AGBL4: variants seen among roughly 807,000 people sequenced by gnomAD.
AGBL4 encodes cytosolic carboxypeptidase 6.
In AGBL4, 58 loss-of-function variants were observed where a neutral mutation model predicts 66.4. That is an observed-to-expected ratio of 0.87 (90% CI 0.71 to 1.09). The LOEUF is 1.09. Among genes scored for constraint, AGBL4 ranks in the 50% least tolerant of loss-of-function variants. The pLI is 0.00. For synonymous variants in AGBL4, 234 were observed against 222.9 expected, an observed-to-expected ratio of 1.05 and a Z score of -0.44; for missense variants, 579 against 631.0, an observed-to-expected ratio of 0.92 and a Z score of 0.88.
chr1:48,700,178 A>G (rs1377431649), intron 6 of AGBL4, among the ~76,000 whole-genome samples: 2 of 152,282 alleles, frequency 1.3e-5, no homozygotes, highest in East Asian at 3.9e-4. Context: ...GAGTCTATCA[A>G]ATGCCTGCAC....
At chr1:49,041,852 C>T (rs1435767806) in intron 5 of AGBL4, among the ~76,000 whole-genome samples, 1 of 152,088 alleles carries the variant, frequency 6.6e-6, no homozygotes, top group African/African-American at 2.4e-5. Context: ...TCCAATCACA[C>T]CAGACTTCTA....
intron 6 of AGBL4, among the ~76,000 whole-genome samples, chr1:48,754,886 G>A (rs1297490092): frequency 3.3e-5 from 5 of 152,108 alleles, no homozygotes; most frequent in Non-Finnish European, 5.9e-5. Context: ...AGAGAGGCAC[G>A]CAGGACCAGG....
intron 3 of AGBL4, among the ~76,000 whole-genome samples, chr1:49,337,370 C>T (rs1407651432): frequency 6.6e-6 from 1 of 152,126 alleles, no homozygotes; most frequent in East Asian, 1.9e-4. Flanking sequence ...AAATTTTGGG[C>T]TTTTTAGAAT....
At chr1:49,915,927 A>C (rs1404952921) in intron 1 of AGBL4, among the ~76,000 whole-genome samples, 1 of 152,164 alleles carries the variant, frequency 6.6e-6, no homozygotes, top group Non-Finnish European at 1.5e-5. Flanking sequence ...ACTGTTCAGC[A>C]ATATTCACTG....
At chr1:48,731,073 G>A (rs1432062379) in intron 6 of AGBL4, among the ~76,000 whole-genome samples, 1 of 152,088 alleles carries the variant, frequency 6.6e-6, no homozygotes, top group East Asian at 1.9e-4. Context: ...GAGCATAAAG[G>A]CTTTTCTATT....
chr1:49,118,942 A>G (rs907000226), intron 4 of AGBL4, among the ~76,000 whole-genome samples: 1 of 152,212 alleles, frequency 6.6e-6, no homozygotes, highest in African/African-American at 2.4e-5. Flanking sequence ...GTATGTGTCT[A>G]GGAATTTATC....
chr1:48,981,085 G>A (rs1407221646), intron 5 of AGBL4, among the ~76,000 whole-genome samples: 1 of 152,048 alleles, frequency 6.6e-6, no homozygotes, highest in Non-Finnish European at 1.5e-5. Context: ...GATAAAACAT[G>A]GATAAGCTCA....
At chr1:48,738,373 C>A (rs1649397289) in intron 6 of AGBL4, among the ~76,000 whole-genome samples, 1 of 152,214 alleles carries the variant, frequency 6.6e-6, no homozygotes, top group African/African-American at 2.4e-5. Context: ...TTCATCCGCT[C>A]AGGAAAGATA....
intron 6 of AGBL4, among the ~76,000 whole-genome samples, chr1:48,676,126 G>A (rs1646361085): frequency 6.6e-6 from 1 of 152,258 alleles, no homozygotes; most frequent in African/African-American, 2.4e-5. Flanking sequence ...GCCTAGGTAA[G>A]TGGCTCCGCC....
intron 12 of AGBL4, among the ~76,000 whole-genome samples, chr1:48,538,533 C>G (rs1644009768): frequency 6.6e-6 from 1 of 152,190 alleles, no homozygotes; most frequent in East Asian, 1.9e-4. Context: ...CTTAGCTAGA[C>G]TTCAATTCAG....
chr1:49,335,773 C>A (rs1315509857), intron 3 of AGBL4, among the ~76,000 whole-genome samples: 3 of 152,256 alleles, frequency 2.0e-5, no homozygotes, highest in East Asian at 3.9e-4. Context: ...CCTTGGCCCC[C>A]CAAAATGCTG....
intron 6 of AGBL4, among the ~76,000 whole-genome samples, chr1:48,684,406 C>T (rs143864755): frequency 2.7e-4 from 41 of 152,362 alleles, no homozygotes; most frequent in Admixed American, 2.1e-3. Context: ...AGAGCACTAA[C>T]GTAGTCATAG....
intron 3 of AGBL4, among the ~76,000 whole-genome samples, chr1:49,444,701 A>T (rs577660007): frequency 1.3e-5 from 2 of 152,174 alleles, no homozygotes; most frequent in Non-Finnish European, 1.5e-5. Context: ...AGCAGCATAT[A>T]GTTGGATCAG....
intron 6 of AGBL4, among the ~76,000 whole-genome samples, chr1:48,802,163 C>G (rs563293500): frequency 1.3e-5 from 2 of 152,288 alleles, no homozygotes; most frequent in South Asian, 4.1e-4. Flanking sequence ...ACTTGCTTCT[C>G]CTTATATTCT....
intron 9 of AGBL4, among the ~76,000 whole-genome samples, chr1:48,609,578 G>A (rs989775970): frequency 5.9e-5 from 9 of 151,826 alleles, no homozygotes; most frequent in South Asian, 2.1e-4. Flanking sequence ...ACATGCCACC[G>A]CACCCAGATA....
intron 1 of AGBL4, among the ~76,000 whole-genome samples, chr1:50,020,111 A>G (rs760766064): frequency 6.6e-6 from 1 of 151,944 alleles, no homozygotes; most frequent in Non-Finnish European, 1.5e-5. Flanking sequence ...CTCAAAATCT[A>G]CCTCACACAG....
At chr1:48,560,627 T>C (rs1455012030) in intron 11 of AGBL4, among the ~76,000 whole-genome samples, 1 of 152,240 alleles carries the variant, frequency 6.6e-6, no homozygotes, top group Non-Finnish European at 1.5e-5. Context: ...AATAATTTAC[T>C]TGAAGAAGCT....
intron 3 of AGBL4, 129 bp from the exon 4 acceptor site, chr1:49,245,993 G>A: frequency 1.6e-6 from 1 of 644,396 alleles, no homozygotes; most frequent in Non-Finnish European, 2.7e-6. Flanking sequence ...TATAGTGAGA[G>A]TACACAGTGC....
chr1:49,207,123 A>G lies in AGBL4; in HGVS notation c.377+38647T>C, dbSNP rs551749864. Among the ~76,000 whole-genome samples the G allele has an allele frequency of 1.6e-4, 25 of 152,208 alleles. No individual in the cohort carries two copies. In the South Asian group the frequency reaches 4.6e-3, roughly 28 times the overall value. On this transcript the variant is annotated intron_variant, in intron 4 of 13. Coordinates refer to ENST00000371839, the MANE Select transcript of AGBL4 (RefSeq NM_032785.4). Reference sequence around the variant, plus strand: ...CAAATAGCTTTTTTAAAAAAAGACTATTTAGAAATGGTCTCAGGAGGCTCT... The same window carrying G: ...CAAATAGCTTTTTTAAAAAAAGACTGTTTAGAAATGGTCTCAGGAGGCTCT...
Sources: gnomAD v4.1 joint callset for allele counts (sites outside exome capture counted in the v4.1 genomes callset) on GRCh38, gnomAD v4.1.1 for gene constraint, MANE v1.5 for transcripts, NCBI Gene and HGNC (gene_info 2026-07-23, HGNC 2026-07-21) for gene names.